PROS1: variants seen among roughly 807,000 people sequenced by gnomAD.
PROS1 encodes protein S, also known as vitamin K-dependent protein S.
A neutral mutation model predicts 75.9 loss-of-function variants in PROS1; 29 were observed. The observed-to-expected ratio is 0.38, with a 90% confidence interval of 0.28 to 0.52. The LOEUF (loss-of-function observed/expected upper bound fraction) is 0.52. PROS1 is among the 20% of genes least tolerant of loss of function. The pLI is 0.83. For synonymous variants in PROS1, 245 were observed against 280.6 expected (o/e 0.87, Z 1.27); for missense variants, 680 against 810.3 (o/e 0.84, Z 1.95).
intron 1 of PROS1, among the ~76,000 whole-genome samples, chr3:93,946,858 A>C (rs975379105): frequency 4.0e-5 from 6 of 151,152 alleles, no homozygotes; most frequent in African/African-American, 1.2e-4. Context: ...AAAAAAAAAA[A>C]CTATCATCAG....
At chr3:93,931,210 G>A (rs1223289653) in intron 1 of PROS1, among the ~76,000 whole-genome samples, 1 of 152,106 alleles carries the variant, frequency 6.6e-6, no homozygotes, top group African/African-American at 2.4e-5. Context: ...GATTTGCTAC[G>A]AGTTGTGCTA....
chr3:93,928,046 G>A (rs1287147664), intron 1 of PROS1, among the ~76,000 whole-genome samples: 4 of 108,798 alleles, frequency 3.7e-5, no homozygotes, highest in East Asian at 2.6e-4. Context: ...ACGGAGTCTC[G>A]CTCTGTCGCC....
intron 1 of PROS1, chr3:93,958,383 T>A (rs1709644946): frequency 6.6e-6 from 1 of 152,196 alleles, no homozygotes; most frequent in South Asian, 2.1e-4. Context: ...CTGCCCTTTT[T>A]GATTCACTGA....
intron 1 of PROS1, among the ~76,000 whole-genome samples, chr3:93,962,958 A>G (rs1046964008): frequency 1.3e-5 from 2 of 152,230 alleles, no homozygotes; most frequent in African/African-American, 4.8e-5. Flanking sequence ...ATAGATGGGA[A>G]CCATAGTAAG....
intron 9 of PROS1, among the ~76,000 whole-genome samples, chr3:93,893,335 C>T (rs1392861066): frequency 6.6e-6 from 1 of 152,006 alleles, no homozygotes; most frequent in Non-Finnish European, 1.5e-5. Flanking sequence ...ATTATATTTT[C>T]TTGCTTATTC....
intron 12 of PROS1, among the ~76,000 whole-genome samples, chr3:93,882,181 A>G (rs1367019402): frequency 1.3e-5 from 2 of 152,316 alleles, no homozygotes; most frequent in East Asian, 3.9e-4. Context: ...AGAAATATTA[A>G]TTGATAAAAG....
chr3:93,926,718 C>T (rs760758338), intron 2 of PROS1, among the ~76,000 whole-genome samples: 9 of 152,356 alleles, frequency 5.9e-5, no homozygotes, highest in South Asian at 2.1e-4. Context: ...TGCGTGCGCG[C>T]GCACACGCAC....
At position 93,973,715 on chromosome 3, in the gene PROS1, AGCAGCGCCCC is replaced by A; in HGVS notation, c.25_34del (p.Gly9TrpfsTer6). The stretch of plus-strand genomic sequence containing the variant: ...GGGAAGCACTAGGAGGAGACACGCC[AGCAGCGCCCC>A]GCAGCGCCCACCCAGGACCCTCATT... On this transcript the variant is annotated frameshift_variant, in exon 1 of 15. Coordinates refer to ENST00000394236, the MANE Select transcript of PROS1 (RefSeq NM_000313.4). LOFTEE classifies it high-confidence loss of function. The A allele has an allele frequency of 6.2e-7, 1 of 1,614,010 alleles. No homozygotes were observed. Among genetic ancestry groups the A allele is most frequent in the Non-Finnish European group, 8.5e-7 (1 of 1,179,946 alleles).
intron 14 of PROS1, among the ~76,000 whole-genome samples, chr3:93,876,077 CT>C (rs1275095070): frequency 3.9e-5 from 6 of 152,078 alleles, no homozygotes. Flanking sequence ...TTATTAAATC[CT>C]ATTAATTTTG....
intron 1 of PROS1, among the ~76,000 whole-genome samples, chr3:93,953,813 T>C (rs1429664820): frequency 6.6e-6 from 1 of 152,186 alleles, no homozygotes; most frequent in Non-Finnish European, 1.5e-5. Context: ...GACATGACTG[T>C]ATATTTAGAA....
intron 3 of PROS1, among the ~76,000 whole-genome samples, chr3:93,911,465 TG>T (rs1368401686): frequency 1.3e-5 from 2 of 152,222 alleles, no homozygotes; most frequent in African/African-American, 2.4e-5. Context: ...ACTTAGCTTT[TG>T]CCAAGGAACA....
chr3:93,902,878 T>C (rs1430503964), intron 6 of PROS1, among the ~76,000 whole-genome samples: 1 of 152,184 alleles, frequency 6.6e-6, no homozygotes, highest in East Asian at 1.9e-4. Flanking sequence ...ATAGTGTTTT[T>C]TGTGGTTTTG....
At chr3:93,903,295 C>A (rs1576185553) in intron 6 of PROS1, among the ~76,000 whole-genome samples, 1 of 152,206 alleles carries the variant, frequency 6.6e-6, no homozygotes, top group Non-Finnish European at 1.5e-5. Flanking sequence ...AATAAGAGCA[C>A]TTTTGTAATC....
chr3:93,878,539 G>A (rs990982001), intron 13 of PROS1, among the ~76,000 whole-genome samples: 2 of 152,164 alleles, frequency 1.3e-5, no homozygotes, highest in Non-Finnish European at 1.5e-5. Flanking sequence ...TAGACAGAAC[G>A]ACTATGCTCT....
intron 1 of PROS1, chr3:93,928,806 A>AAAACAATAT (rs1709064951): frequency 9.1e-7 from 1 of 1,104,258 alleles, no homozygotes; most frequent in South Asian, 1.3e-5. Flanking sequence ...AACTATAAAG[A>AAAACAATAT]AAACAATATA....
In PROS1 at chr3:93,948,072, C is replaced by T. The variant is rs183600766; in HGVS notation, c.77-20665G>A. ...AAGCAAAAGAACCCATGCCAACTAC[C>T]TAGTTTACCCAGCTTACTTAGGACT... On this transcript the variant is annotated intron_variant, in intron 1 of 14. Coordinates refer to ENST00000394236, the MANE Select transcript of PROS1 (RefSeq NM_000313.4). Among the ~76,000 whole-genome samples the T allele has an allele frequency of 2.9e-4, 44 of 152,244 alleles. 1 individual carries two copies. The East Asian group carries it at 7.7e-3, about 27-fold the overall frequency.
At chr3:93,876,889 C>A in intron 14 of PROS1, 77 bp downstream of exon 14, 1 of 975,992 alleles carries the variant, frequency 1.0e-6, no homozygotes, top group Non-Finnish European at 1.5e-6. Flanking sequence ...TGCTTTTTTA[C>A]TATAATTATA....
intron 1 of PROS1, among the ~76,000 whole-genome samples, chr3:93,938,868 C>G (rs892862374): frequency 2.7e-4 from 41 of 152,072 alleles, no homozygotes; most frequent in African/African-American, 9.7e-4. Flanking sequence ...CCTTCATTCA[C>G]CCACATTCAC....
At chr3:93,877,330 G>A in intron 13 of PROS1, 139 bp from the exon 14 acceptor site, 1 of 581,962 alleles carries the variant, frequency 1.7e-6, no homozygotes, top group Non-Finnish European at 3.0e-6. Flanking sequence ...AAATTTAAGG[G>A]AAAAATCACT....
Sources: allele counts gnomAD v4.1 joint callset (sites outside exome capture counted in the v4.1 genomes callset), GRCh38; gene constraint gnomAD v4.1.1; transcripts MANE v1.5; gene names NCBI Gene and HGNC (gene_info 2026-07-23, HGNC 2026-07-21).